XPO7: variants seen among roughly 807,000 people sequenced by gnomAD.
XPO7 encodes exportin-7.
In XPO7, 21 loss-of-function variants were observed where a neutral mutation model predicts 144.3. The ratio of observed to expected loss-of-function variants is 0.15; its 90% confidence interval spans 0.10 to 0.21. The LOEUF is 0.21. Ranked by LOEUF, XPO7 falls within the 10% of genes least tolerant of loss-of-function variation. The probability of loss-of-function intolerance (pLI) is 1.00; values close to 1 mark genes in which losing one functional copy is unlikely to be tolerated. For missense variants in XPO7, 808 were observed against 1,325.8 expected, an observed-to-expected ratio of 0.61 and a Z score of 6.06; for synonymous variants, 580 against 499.6, an observed-to-expected ratio of 1.16 and a Z score of -2.15.
intron 1 of XPO7, among the ~76,000 whole-genome samples, chr8:21,955,199 A>G (rs1585437706): frequency 6.7e-6 from 1 of 149,876 alleles, no homozygotes; most frequent in Admixed American, 6.6e-5. Context: ...TGGTCTTTTA[A>G]TATTGTCCAT....
At chr8:21,937,070 C>G (rs910285507) in intron 1 of XPO7, among the ~76,000 whole-genome samples, 1 of 152,034 alleles carries the variant, frequency 6.6e-6, no homozygotes, top group African/African-American at 2.4e-5. Flanking sequence ...AAAATTATAC[C>G]TTATTTTTAA....
At chr8:21,987,381 G>GT in intron 14 of XPO7, 105 bp downstream of exon 14, 1 of 1,463,890 alleles carries the variant, frequency 6.8e-7, no homozygotes, top group Non-Finnish European at 9.3e-7. Context: ...CAGATTTCAC[G>GT]TAATAGGACA....
chr8:21,982,867 C>T (rs760822459), intron 11 of XPO7, 55 bp downstream of exon 11: 2 of 1,530,622 alleles, frequency 1.3e-6, no homozygotes, highest in African/African-American at 2.8e-5. Flanking sequence ...GTCACACTTC[C>T]TAGAGATCAG....
chr8:21,923,870 G>A (rs1433170854), intron 1 of XPO7, among the ~76,000 whole-genome samples: 1 of 152,218 alleles, frequency 6.6e-6, no homozygotes, highest in Non-Finnish European at 1.5e-5. Flanking sequence ...CTCTCTGTAG[G>A]TACAACTACT....
chr8:21,978,925 C>T (rs1812313272), intron 8 of XPO7, among the ~76,000 whole-genome samples: 1 of 152,206 alleles, frequency 6.6e-6, no homozygotes, highest in South Asian at 2.1e-4. Flanking sequence ...TGGCTGCTCT[C>T]CTCAACAGAG....
chr8:21,953,783 A>T (rs1246391921), intron 1 of XPO7, among the ~76,000 whole-genome samples: 1 of 152,196 alleles, frequency 6.6e-6, no homozygotes, highest in African/African-American at 2.4e-5. Context: ...ATCTTTTCAT[A>T]TGCTTATTTG....
At chr8:21,969,338 G>T in intron 2 of XPO7, 145 bp from the exon 3 acceptor site, 2 of 651,030 alleles carry the variant, frequency 3.1e-6, no homozygotes, top group Non-Finnish European at 5.3e-6. Flanking sequence ...TTTCCTCAGA[G>T]CAGTAGACCC....
intron 1 of XPO7, among the ~76,000 whole-genome samples, chr8:21,928,900 T>A (rs575097418): frequency 6.6e-6 from 1 of 152,382 alleles, no homozygotes; most frequent in South Asian, 2.1e-4. Context: ...GTGGCAGAGC[T>A]GAATAGTCTT....
At chr8:21,930,089 G>A (rs1306695600) in intron 1 of XPO7, among the ~76,000 whole-genome samples, 7 of 152,172 alleles carry the variant, frequency 4.6e-5, no homozygotes, top group Non-Finnish European at 7.4e-5. Flanking sequence ...GCACCCAGAA[G>A]GATATGTTTT....
chr8:21,984,350 G>C (rs762254225), intron 11 of XPO7, among the ~76,000 whole-genome samples: 7 of 152,144 alleles, frequency 4.6e-5, no homozygotes, highest in Non-Finnish European at 1.0e-4. Context: ...CAAGAGGTCA[G>C]ACAGTTGAGA....
Position 21,989,606 on chromosome 8 carries a change from G to A in XPO7, c.1868+523G>A, listed in dbSNP as rs181777682. ...AAATTATTGAAGTGACTTTCTTCTC[G>A]CTTTTCCAAATACTGTATATAGCTA... On this transcript the variant is annotated intron_variant, in intron 16 of 27. Coordinates refer to ENST00000252512, the MANE Select transcript of XPO7 (RefSeq NM_015024.5). Among the ~76,000 whole-genome samples the A allele has an allele frequency of 2.3e-3, 354 of 152,128 alleles. 2 individuals carry two copies. Among genetic ancestry groups the A allele is most frequent in the Non-Finnish European group, 3.5e-3 (238 of 67,990 alleles).
chr8:21,919,809 G>C (rs533337882), intron 1 of XPO7, 21 bp downstream of exon 1: 1 of 475,254 alleles, frequency 2.1e-6, no homozygotes, highest in Non-Finnish European at 3.2e-6. Flanking sequence ...CCGCGGGGGG[G>C]AGGGGGCGAC....
chr8:21,953,561 G>A (rs1474123792), intron 1 of XPO7, among the ~76,000 whole-genome samples: 1 of 152,196 alleles, frequency 6.6e-6, no homozygotes, highest in African/African-American at 2.4e-5. Context: ...GGATCATATG[G>A]TAAGAGTATG....
At chr8:21,995,882 T>G (rs995733092) in intron 21 of XPO7, among the ~76,000 whole-genome samples, 1 of 152,138 alleles carries the variant, frequency 6.6e-6, no homozygotes, top group Non-Finnish European at 1.5e-5. Flanking sequence ...TGGCACAGTC[T>G]CGGCTCACTG....
Position 21,919,786 on chromosome 8 carries a change from C to G in XPO7, c.16C>G (p.Gln6Glu). Residue 6 changes from glutamine to glutamate, a missense_variant and splice_region_variant, in exon 1 of 28, where the codon CAG (glutamine) becomes GAG (glutamate). Gln to Glu is a conservative substitution (Grantham distance 29). Coordinates refer to ENST00000252512, the MANE Select transcript of XPO7 (RefSeq NM_015024.5). MADHVQSLAQLENLCK... is the reference protein window; with the variant it reads MADHVESLAQLENLCK... Reference sequence around the variant, plus strand: ...ATGGAGCAAAATGGCGGATCATGTGCAGGTGAGAGGAGCCGCGGGGGGGAG... The same window carrying G: ...ATGGAGCAAAATGGCGGATCATGTGGAGGTGAGAGGAGCCGCGGGGGGGAG... 1.6e-6 allele frequency: 1 copy of G among 643,920 alleles called. No homozygotes were observed. The highest frequency in any genetic ancestry group is 5.0e-5 in the Admixed American group (1 of 20,128). 39.9% of individuals were successfully genotyped at this position (643,920 alleles called of 1,614,324 possible).
In XPO7 at chr8:21,994,357, C is replaced by T; in HGVS notation, c.2149-6C>T. ...TATTTTAACACATTTTTGCCTTCTA[C>T]TACAGCGAACTCTAGTTGGCCTAGT... On this transcript the variant is annotated splice_region_variant and splice_polypyrimidine_tract_variant and intron_variant, in intron 19 of 27. Transcript: ENST00000252512. The T allele has an allele frequency of 6.2e-7, 1 of 1,610,682 alleles. No homozygotes were observed. Among genetic ancestry groups the T allele is most frequent in the East Asian group, 2.2e-5 (1 of 44,812 alleles).
At position 21,987,042 on chromosome 8, in the gene XPO7, C is replaced by G. The variant is rs947711201; in HGVS notation, c.1578-99C>G. 39 of 1,531,214 alleles carry G rather than the reference C, an allele frequency of 2.5e-5. No homozygotes were observed. The African/African-American group carries it at 5.2e-4, about 20-fold the overall frequency. The allele number at this position is 1,531,214 out of a possible 1,614,324, so 94.9% of individuals were successfully genotyped here. On this transcript the variant is annotated intron_variant, in intron 13 of 27. Transcript: ENST00000252512. ...ATTTGGTTGCAGGAGGTTGCTGTAC[C>G]CAAGTACAGGCATATACGACCATGT...
chr8:21,937,964 A>G (rs1285886542), intron 1 of XPO7, among the ~76,000 whole-genome samples: 1 of 152,198 alleles, frequency 6.6e-6, no homozygotes, highest in Non-Finnish European at 1.5e-5. Flanking sequence ...TATAGATAAT[A>G]TTTATGAGCC....
intron 1 of XPO7, among the ~76,000 whole-genome samples, chr8:21,920,016 G>T (rs565457391): frequency 5.5e-4 from 83 of 151,564 alleles, no homozygotes; most frequent in African/African-American, 1.9e-3. Context: ...TCGCGCGCGG[G>T]GCTGCAGGGA....
Sources: gnomAD v4.1 joint callset for allele counts (sites outside exome capture counted in the v4.1 genomes callset) on GRCh38, gnomAD v4.1.1 for gene constraint, MANE v1.5 for transcripts, NCBI Gene and HGNC (gene_info 2026-07-23, HGNC 2026-07-21) for gene names.